The following CSMD3 variants were observed in gnomAD, a reference collection of about 807,000 sequenced individuals.
The protein encoded by CSMD3 is CUB and Sushi multiple domains 3.
Under a neutral mutation model 435.2 loss-of-function variants are expected in CSMD3, and 177 were observed. The ratio of observed to expected loss-of-function variants is 0.41; its 90% confidence interval spans 0.36 to 0.46. The LOEUF is 0.46. Among genes scored for constraint, CSMD3 ranks in the 20% least tolerant of loss-of-function variants. CSMD3 has a pLI of 0.34. For missense variants in CSMD3, 4,265 were observed against 4,504.6 expected, an observed-to-expected ratio of 0.95 and a Z score of 1.52; for synonymous variants, 1,656 against 1,520.5, an observed-to-expected ratio of 1.09 and a Z score of -2.07.
At chr8:112,311,237 T>C in intron 49 of CSMD3, 71 bp from the exon 50 acceptor site, 1 of 1,265,052 alleles carries the variant, frequency 7.9e-7, no homozygotes, top group South Asian at 1.2e-5. Context: ...GATAAACACC[T>C]ATACAGCGAC....
intron 59 of CSMD3, 75 bp from the exon 60 acceptor site, chr8:112,265,665 C>T (rs557015279): frequency 3.3e-4 from 332 of 993,034 alleles, no homozygotes; most frequent in Non-Finnish European, 5.0e-4. Context: ...AAGCATATGG[C>T]ATACTTAATA....
At chr8:112,505,522 C>T (rs1036955591) in intron 29 of CSMD3, among the ~76,000 whole-genome samples, 9 of 151,952 alleles carry the variant, frequency 5.9e-5, no homozygotes, top group African/African-American at 7.2e-5. Flanking sequence ...TTATTATGCA[C>T]GGAAGGCTGA....
At chr8:112,311,281 T>A in intron 49 of CSMD3, 115 bp from the exon 50 acceptor site, 1 of 789,874 alleles carries the variant, frequency 1.3e-6, no homozygotes, top group Non-Finnish European at 2.1e-6. Context: ...GTCATCTATG[T>A]AAATTTTACT....
intron 16 of CSMD3, among the ~76,000 whole-genome samples, chr8:112,675,411 A>G (rs913375462): frequency 6.6e-6 from 1 of 152,150 alleles, no homozygotes; most frequent in Admixed American, 6.6e-5. Flanking sequence ...ATCTAATCAT[A>G]TTCAAGAACA....
chr8:112,780,830 C>A (rs372764696), intron 13 of CSMD3, among the ~76,000 whole-genome samples: 1 of 151,818 alleles, frequency 6.6e-6, no homozygotes, highest in African/African-American at 2.4e-5. Flanking sequence ...TTTGGACTAG[C>A]CCTACTACCA....
chr8:113,010,094 A>C (rs896727155), intron 6 of CSMD3, among the ~76,000 whole-genome samples: 1 of 151,714 alleles, frequency 6.6e-6, no homozygotes, highest in African/African-American at 2.4e-5. Context: ...CAAAATGATA[A>C]ATAAGCACTT....
rs751564616 is a variant in CSMD3 at position 112,301,906 on chromosome 8, G to A, written c.8327C>T (p.Ser2776Leu). Residue 2776 changes from serine (S) to leucine (L), a missense_variant, in exon 53 of 71, where the codon TCA becomes TTA. Coordinates refer to ENST00000297405, the MANE Select transcript of CSMD3 (RefSeq NM_198123.2). ...PNGNKIGTQT[S>L]YGSTAIFTCD... ...GGTAAAGATAGCTGTTGAGCCATAT[G>A]AAGTTTGAGTTCCAATCTTATTTCC... 4.3e-6 allele frequency: 7 copies of A among 1,613,076 alleles called. No homozygotes were observed. In the Admixed American group the frequency reaches 1.2e-4, roughly 27 times the overall value.
At chr8:113,346,031 C>T (rs1215674252) in intron 1 of CSMD3, among the ~76,000 whole-genome samples, 1 of 152,042 alleles carries the variant, frequency 6.6e-6, no homozygotes, top group Non-Finnish European at 1.5e-5. Flanking sequence ...TTAGAAGTCT[C>T]ACATAATTTA....
chr8:112,295,380 G>C (rs150717180), intron 54 of CSMD3, among the ~76,000 whole-genome samples: 1 of 152,068 alleles, frequency 6.6e-6, no homozygotes, highest in East Asian at 1.9e-4. Context: ...TGCTTCATCA[G>C]TATATAATCT....
chr8:112,536,010 C>A (rs1176194931), intron 27 of CSMD3, among the ~76,000 whole-genome samples: 2 of 152,058 alleles, frequency 1.3e-5, no homozygotes, highest in Admixed American at 6.6e-5. Context: ...ACACCTTATA[C>A]AAAAATTAAT....
At chr8:112,812,710 T>C (rs1016709562) in intron 12 of CSMD3, among the ~76,000 whole-genome samples, 1 of 152,176 alleles carries the variant, frequency 6.6e-6, no homozygotes, top group African/African-American at 2.4e-5. Context: ...AATACATCTT[T>C]TTGAATGTAT....
intron 22 of CSMD3, among the ~76,000 whole-genome samples, chr8:112,608,044 T>C (rs1424235348): frequency 6.6e-6 from 1 of 152,112 alleles, no homozygotes; most frequent in Non-Finnish European, 1.5e-5. Flanking sequence ...TCATCTTACA[T>C]ATAGAAAACT....
At chr8:112,926,847 C>T (rs2082926851) in intron 9 of CSMD3, among the ~76,000 whole-genome samples, 1 of 152,038 alleles carries the variant, frequency 6.6e-6, no homozygotes, top group Non-Finnish European at 1.5e-5. Flanking sequence ...AATTTGTCTG[C>T]ACTTTTGTTG....
At position 112,299,386 on chromosome 8, in the gene CSMD3, T is replaced by C. The variant is rs562327331; in HGVS notation, c.8440+2407A>G. 3.3e-5 allele frequency among the ~76,000 whole-genome samples: 5 copies of C among 152,214 alleles called. No individual in the cohort carries two copies. The East Asian group carries it at 9.6e-4, about 29-fold the overall frequency. On this transcript the variant is annotated intron_variant, in intron 53 of 70. Transcript: ENST00000297405. ...GAGTTTAAAAAAAACTTTGAACAAATACTGAACTCTAGCTAATGGTATGCA... is the reference window on the plus strand; with the variant it reads ...GAGTTTAAAAAAAACTTTGAACAAACACTGAACTCTAGCTAATGGTATGCA...
At chr8:112,849,858 A>G (rs231311) in intron 11 of CSMD3, among the ~76,000 whole-genome samples, 145,335 of 152,058 alleles carry the variant, frequency 0.96, 69,475 homozygotes, top group South Asian at 0.99. Flanking sequence ...TAAAGGATAG[A>G]AGCCCAGGAA....
At chr8:112,643,595 C>A (rs1270265104) in intron 20 of CSMD3, 1 of 168,498 alleles carries the variant, frequency 5.9e-6, no homozygotes, top group Non-Finnish European at 1.5e-5. Context: ...AGTATGTAGC[C>A]CTCCACTCCC....
chr8:113,042,515 A>G (rs2087666221), intron 5 of CSMD3, among the ~76,000 whole-genome samples: 1 of 152,160 alleles, frequency 6.6e-6, no homozygotes, highest in Non-Finnish European at 1.5e-5. Context: ...ATCTAACGTT[A>G]TAATTTTTCT....
chr8:112,383,131 T>A (rs1829626715), intron 37 of CSMD3, among the ~76,000 whole-genome samples: 1 of 152,230 alleles, frequency 6.6e-6, no homozygotes, highest in Non-Finnish European at 1.5e-5. Context: ...ATTCATTTCA[T>A]AGAAATAATT....
At chr8:113,191,382 C>T (rs2092582537) in intron 3 of CSMD3, among the ~76,000 whole-genome samples, 1 of 151,676 alleles carries the variant, frequency 6.6e-6, no homozygotes, top group Non-Finnish European at 1.5e-5. Context: ...TTTCGGCCCA[C>T]ATCTTCCCTC....
Sources: allele counts gnomAD v4.1 joint callset (sites outside exome capture counted in the v4.1 genomes callset), GRCh38; gene constraint gnomAD v4.1.1; transcripts MANE v1.5; gene names NCBI Gene and HGNC (gene_info 2026-07-23, HGNC 2026-07-21).